Variants in PSME3IP1 observed in about 807,000 individuals in gnomAD.
The protein encoded by PSME3IP1 is proteasome activator subunit 3 interacting protein 1.
PSME3IP1 carries 13 observed loss-of-function variants against 34.1 expected under a neutral mutation model. The ratio of observed to expected loss-of-function variants is 0.38; its 90% CI spans 0.25 to 0.61. The LOEUF (loss-of-function observed/expected upper bound fraction) is 0.61, where lower values mean the gene tolerates loss of function less well. Ranked by LOEUF, PSME3IP1 falls within the 20% of genes least tolerant of loss-of-function variation. PSME3IP1 has a pLI of 0.60. For missense variants in PSME3IP1, 237 were observed against 301.4 expected (o/e 0.79, Z 1.58); for synonymous variants, 93 against 114.3 (o/e 0.81, Z 1.19).
At chr16:57,177,726 T>C (rs1423841820) in intron 1 of PSME3IP1, among the ~76,000 whole-genome samples, 1 of 152,144 alleles carries the variant, frequency 6.6e-6, no homozygotes, top group African/African-American at 2.4e-5. Context: ...AATATCTTAA[T>C]TCAGGCTGGG....
At chr16:57,156,243 C>T (rs2070511773) in intron 6 of PSME3IP1, among the ~76,000 whole-genome samples, 1 of 152,178 alleles carries the variant, frequency 6.6e-6, no homozygotes, top group Admixed American at 6.6e-5. Context: ...CAAAAGAGAA[C>T]ATACGAAAAT....
chr16:57,175,228 T>A (rs2073067948), intron 1 of PSME3IP1, among the ~76,000 whole-genome samples: 1 of 152,192 alleles, frequency 6.6e-6, no homozygotes, highest in Admixed American at 6.5e-5. Context: ...TTGGCCAGGC[T>A]TGTCTCGAAC....
intron 1 of PSME3IP1, chr16:57,174,317 A>G: frequency 4.8e-6 from 2 of 419,390 alleles, no homozygotes; most frequent in Non-Finnish European, 6.4e-6. Context: ...ACTCTCAAAT[A>G]GTTTAATTTA....
chr16:57,184,533 A>C (rs2073996310), intron 1 of PSME3IP1, among the ~76,000 whole-genome samples: 1 of 152,250 alleles, frequency 6.6e-6, no homozygotes, highest in Non-Finnish European at 1.5e-5. Flanking sequence ...ATGAAGACAA[A>C]GTATGTTCAA....
chr16:57,161,779 G>T (rs1446896789), intron 6 of PSME3IP1, among the ~76,000 whole-genome samples: 1 of 152,024 alleles, frequency 6.6e-6, no homozygotes, highest in African/African-American at 2.4e-5. Flanking sequence ...CCAAAGTGCT[G>T]GGATTACAGG....
chr16:57,157,612 C>T (rs1462906216), intron 6 of PSME3IP1, among the ~76,000 whole-genome samples: 1 of 150,440 alleles, frequency 6.6e-6, no homozygotes, highest in East Asian at 1.9e-4. Flanking sequence ...TTTTCCTTTT[C>T]TTTTTTTTCT....
At position 57,164,683 on chromosome 16, in the gene PSME3IP1, G is replaced by A. The variant is rs529688507; in HGVS notation, c.483-618C>T. Reference sequence around the variant, plus strand: ...TCTAAGACTGGGGACATTACTGTGTGTATGTACTAGTTGGTATTTTCTTGC... The same window carrying A: ...TCTAAGACTGGGGACATTACTGTGTATATGTACTAGTTGGTATTTTCTTGC... On this transcript the variant is annotated intron_variant, in intron 5 of 6. Transcript: ENST00000309137. Among the ~76,000 whole-genome samples, 11 of 152,326 alleles carry A rather than the reference G, an allele frequency of 7.2e-5. No homozygotes were observed. In the East Asian group the frequency reaches 1.9e-3, roughly 27 times the overall value.
intron 6 of PSME3IP1, among the ~76,000 whole-genome samples, chr16:57,155,287 C>T (rs1398176760): frequency 6.6e-6 from 1 of 152,166 alleles, no homozygotes; most frequent in African/African-American, 2.4e-5. Context: ...AGGAAACCCA[C>T]AGTTACTCTG....
chr16:57,171,602 C>T (rs576952816), intron 4 of PSME3IP1, among the ~76,000 whole-genome samples: 1 of 152,106 alleles, frequency 6.6e-6, no homozygotes, highest in African/African-American at 2.4e-5. Flanking sequence ...ATTTGGAGTA[C>T]GTTTTGGAAA....
rs11383644 is a variant in PSME3IP1 at position 57,185,906 on chromosome 16, GA to G, written c.-102del. 5 of 919,780 alleles carry G rather than the reference GA, an allele frequency of 5.4e-6. No homozygotes were observed. Among genetic ancestry groups the G allele is most frequent in the Middle Eastern group, 5.5e-4 (1 of 1,816 alleles). The allele number at this position is 919,780 out of a possible 1,614,324, so 57.0% of individuals were successfully genotyped here. On this transcript the variant is annotated 5_prime_UTR_variant, in exon 1 of 7. Coordinates refer to ENST00000309137, the MANE Select transcript of PSME3IP1 (RefSeq NM_024946.4). ...CGCAGAGCCGCTCGCTCTTAAAAAA[GA>G]AAAAAAAATGAAAGGAAGAAAGAAA...
intron 6 of PSME3IP1, among the ~76,000 whole-genome samples, chr16:57,157,010 T>C (rs1042813740): frequency 1.3e-5 from 2 of 152,046 alleles, no homozygotes; most frequent in South Asian, 2.1e-4. Flanking sequence ...TATTCAACCA[T>C]GAAGAAGAAT....
chr16:57,184,158 C>CA lies in PSME3IP1; in HGVS notation c.-16+1662_-16+1663insT, dbSNP rs1597803086. On this transcript the variant is annotated intron_variant, in intron 1 of 6. Transcript: ENST00000309137. Reference sequence around the variant, plus strand: ...CCGAGTTTAATAACAATGGAAATAACTTGAGAATAAATTATCCAGAATGTA... The same window carrying CA: ...CCGAGTTTAATAACAATGGAAATAACATTGAGAATAAATTATCCAGAATGTA... Among the ~76,000 whole-genome samples the CA allele has an allele frequency of 2.0e-5, 3 of 151,438 alleles. No individual in the cohort carries two copies. In the East Asian group the frequency reaches 5.8e-4, roughly 29 times the overall value.
At chr16:57,155,362 C>T (rs1319106781) in intron 6 of PSME3IP1, among the ~76,000 whole-genome samples, 6 of 152,282 alleles carry the variant, frequency 3.9e-5, no homozygotes, top group East Asian at 3.9e-4. Context: ...GTGGCTTATG[C>T]GTATAATCCT....
At chr16:57,163,896 C>T (rs2071554512) in intron 6 of PSME3IP1, 105 bp downstream of exon 6, 2 of 1,182,976 alleles carry the variant, frequency 1.7e-6, no homozygotes, top group Non-Finnish European at 1.2e-6. Flanking sequence ...GGTAGGCTTG[C>T]TTGAAGACAG....
At chr16:57,156,636 A>C (rs1165269869) in intron 6 of PSME3IP1, among the ~76,000 whole-genome samples, 3 of 152,252 alleles carry the variant, frequency 2.0e-5, no homozygotes, top group African/African-American at 7.2e-5. Flanking sequence ...TACAAAAAAA[A>C]GGCAGGAGCA....
chr16:57,158,133 G>A (rs554055434), intron 6 of PSME3IP1, among the ~76,000 whole-genome samples: 1 of 152,190 alleles, frequency 6.6e-6, no homozygotes, highest in Non-Finnish European at 1.5e-5. Flanking sequence ...ATTGCAAATG[G>A]CTAATTTGGG....
chr16:57,181,043 G>T lies in PSME3IP1; in HGVS notation c.-16+4778C>A, dbSNP rs531036269. 2.6e-5 allele frequency among the ~76,000 whole-genome samples: 4 copies of T among 151,668 alleles called. No homozygotes were observed. The East Asian group carries it at 7.7e-4, about 29-fold the overall frequency. The stretch of plus-strand genomic sequence containing the variant: ...AACAGCACAAGACCGACCTTGCCTG[G>T]CGAGGGGGAAAAAAAAGAAGTTAAA... On this transcript the variant is annotated intron_variant, in intron 1 of 6. Coordinates refer to ENST00000309137, the MANE Select transcript of PSME3IP1 (RefSeq NM_024946.4).
At chr16:57,159,844 G>A (rs2071013228) in intron 6 of PSME3IP1, among the ~76,000 whole-genome samples, 2 of 152,230 alleles carry the variant, frequency 1.3e-5, no homozygotes, top group South Asian at 4.2e-4. Context: ...TAGCTTACTT[G>A]TAGAAATACA....
At chr16:57,173,615 T>G in intron 2 of PSME3IP1, 113 bp downstream of exon 2, 6 of 1,307,160 alleles carry the variant, frequency 4.6e-6, no homozygotes, top group Non-Finnish European at 6.3e-6. Flanking sequence ...GGCAACAGAG[T>G]GAGACTCCGT....
Sources: allele counts gnomAD v4.1 joint callset (sites outside exome capture counted in the v4.1 genomes callset), GRCh38; gene constraint gnomAD v4.1.1; transcripts MANE v1.5; gene names NCBI Gene and HGNC (gene_info 2026-07-23, HGNC 2026-07-21).